TNFRSF19: variants seen among roughly 807,000 people sequenced by gnomAD.
TNFRSF19 encodes tumor necrosis factor receptor superfamily member 19.
TNFRSF19 carries 27 observed loss-of-function variants against 46.4 expected under a neutral mutation model. The ratio of observed to expected loss-of-function variants is 0.58; its 90% CI spans 0.43 to 0.80. The LOEUF (loss-of-function observed/expected upper bound fraction) is 0.80, where lower values mean the gene tolerates loss of function less well. Ranked by LOEUF, TNFRSF19 falls within the 30% of genes least tolerant of loss-of-function variation. The probability of loss-of-function intolerance (pLI) is 0.00; values close to 1 mark genes in which losing one functional copy is unlikely to be tolerated. For synonymous variants in TNFRSF19, 204 were observed against 205.0 expected (o/e 1.00, Z 0.04); for missense variants, 511 against 530.8 (o/e 0.96, Z 0.37).
chr13:23,629,830 C>T (rs905222135), intron 5 of TNFRSF19, among the ~76,000 whole-genome samples: 1 of 152,214 alleles, frequency 6.6e-6, no homozygotes, highest in African/African-American at 2.4e-5. Context: ...TGCCTGTCCT[C>T]GGCCATACCC....
chr13:23,577,016 G>A (rs766857392), intron 1 of TNFRSF19, among the ~76,000 whole-genome samples: 11 of 152,222 alleles, frequency 7.2e-5, no homozygotes, highest in Non-Finnish European at 1.2e-4. Context: ...TTTAGTAAGT[G>A]CTAGGCATTG....
chr13:23,636,489 A>G (rs938047429), intron 5 of TNFRSF19, among the ~76,000 whole-genome samples: 9 of 152,152 alleles, frequency 5.9e-5, no homozygotes, highest in African/African-American at 2.2e-4. Context: ...CTTGAATGCT[A>G]AGATATCCGT....
intron 3 of TNFRSF19, among the ~76,000 whole-genome samples, chr13:23,599,704 G>A (rs1170079841): frequency 6.6e-6 from 1 of 152,196 alleles, no homozygotes; most frequent in African/African-American, 2.4e-5. Flanking sequence ...GTTTTATCAT[G>A]CAGATGAAGC....
chr13:23,591,720 C>CTTTTT (rs1566169108), intron 2 of TNFRSF19, among the ~76,000 whole-genome samples: 1 of 65,754 alleles, frequency 1.5e-5, no homozygotes, highest in Non-Finnish European at 3.3e-5. Flanking sequence ...AATTTTCTTT[C>CTTTTT]TTTCTTTCTT....
At chr13:23,666,012 T>C (rs12585977) in intron 7 of TNFRSF19, among the ~76,000 whole-genome samples, 44,842 of 152,016 alleles carry the variant, frequency 0.29, 6,770 homozygotes, top group Non-Finnish European at 0.33. Context: ...GAATGACACT[T>C]AATTTGGGTT....
chr13:23,632,981 C>T (rs1355027664), intron 5 of TNFRSF19, among the ~76,000 whole-genome samples: 1 of 152,178 alleles, frequency 6.6e-6, no homozygotes, highest in African/African-American at 2.4e-5. Flanking sequence ...AGCAAACAGA[C>T]CTTTTCATCC....
chr13:23,583,903 G>C (rs1410499550), intron 1 of TNFRSF19, among the ~76,000 whole-genome samples: 1 of 152,012 alleles, frequency 6.6e-6, no homozygotes, highest in Non-Finnish European at 1.5e-5. Flanking sequence ...ATGAATTTTG[G>C]GAAAAACACA....
At chr13:23,631,176 C>T (rs1390260567) in intron 5 of TNFRSF19, among the ~76,000 whole-genome samples, 1 of 151,868 alleles carries the variant, frequency 6.6e-6, no homozygotes, top group Non-Finnish European at 1.5e-5. Context: ...AACTTTGAGA[C>T]GTATTTGCTC....
At chr13:23,577,439 G>A (rs937348317) in intron 1 of TNFRSF19, among the ~76,000 whole-genome samples, 3 of 152,240 alleles carry the variant, frequency 2.0e-5, no homozygotes, top group Non-Finnish European at 2.9e-5. Context: ...TTGAATGATT[G>A]ATACTGTCAG....
intron 1 of TNFRSF19, among the ~76,000 whole-genome samples, chr13:23,579,950 G>C (rs1043399609): frequency 1.3e-5 from 2 of 152,232 alleles, no homozygotes; most frequent in African/African-American, 2.4e-5. Flanking sequence ...CAGGGGTCTC[G>C]GGGCCGCATC....
At position 23,644,940 on chromosome 13, in the gene TNFRSF19, T is replaced by C. The variant is rs574260690; in HGVS notation, c.446-14110T>C. On this transcript the variant is annotated intron_variant, in intron 5 of 9. Transcript: ENST00000248484. ...CTTCTGTGATCCTCTATTTGAAAAA[T>C]GATACTTTCTTGCTCTAAACAACCC... is the stretch of plus-strand genomic sequence containing the variant. 9.2e-4 allele frequency among the ~76,000 whole-genome samples: 140 copies of C among 152,190 alleles called. 1 individual carries two copies. The highest frequency in any genetic ancestry group is 1.5e-3 in the Non-Finnish European group (99 of 68,028).
At chr13:23,588,450 T>C (rs1879003235) in intron 1 of TNFRSF19, among the ~76,000 whole-genome samples, 1 of 152,236 alleles carries the variant, frequency 6.6e-6, no homozygotes. Flanking sequence ...TCTGCCTTTT[T>C]CAGTAGTTAG....
At chr13:23,642,372 AC>A (rs1883080718) in intron 5 of TNFRSF19, among the ~76,000 whole-genome samples, 1 of 152,232 alleles carries the variant, frequency 6.6e-6, no homozygotes. Flanking sequence ...CATGACTAAC[AC>A]TTATGGCAGT....
chr13:23,618,774 A>C (rs1881471274), intron 4 of TNFRSF19, among the ~76,000 whole-genome samples: 1 of 152,220 alleles, frequency 6.6e-6, no homozygotes, highest in Non-Finnish European at 1.5e-5. Flanking sequence ...TCTGGTTTGA[A>C]TGTGTCCCCT....
At chr13:23,603,932 A>G (rs1178780656) in intron 3 of TNFRSF19, among the ~76,000 whole-genome samples, 1 of 152,084 alleles carries the variant, frequency 6.6e-6, no homozygotes, top group Non-Finnish European at 1.5e-5. Context: ...CACTAAGATC[A>G]GGAACAAGGC....
At chr13:23,670,223 C>G (rs903634586) in intron 9 of TNFRSF19, among the ~76,000 whole-genome samples, 3 of 152,196 alleles carry the variant, frequency 2.0e-5, no homozygotes, top group African/African-American at 7.2e-5. Flanking sequence ...GAAACGGGGT[C>G]TCTCTCTGTC....
chr13:23,593,569 G>T (rs1306533789), intron 3 of TNFRSF19, 114 bp downstream of exon 3: 3 of 731,588 alleles, frequency 4.1e-6, no homozygotes, highest in Admixed American at 6.1e-5. Context: ...CAGAATTATT[G>T]GATCATTATG....
intron 3 of TNFRSF19, 140 bp from the exon 4 acceptor site, chr13:23,615,726 CT>C: frequency 1.4e-6 from 1 of 736,596 alleles, no homozygotes. Context: ...CACATTTGAA[CT>C]TGCTGAAAGA....
chr13:23,651,506 G>A lies in TNFRSF19; in HGVS notation c.446-7544G>A, dbSNP rs577417999. On this transcript the variant is annotated intron_variant, in intron 5 of 9. Transcript: ENST00000248484. ...AAACTCTCTAATGAAAACATAAGGC[G>A]TTAATGAAATCTCAAAGGTGGAAGC... Among the ~76,000 whole-genome samples the A allele has an allele frequency of 1.5e-4, 23 of 152,246 alleles. No homozygotes were observed. The South Asian group carries it at 1.7e-3, about 11-fold the overall frequency.
Sources: allele counts gnomAD v4.1 joint callset (sites outside exome capture counted in the v4.1 genomes callset), GRCh38; gene constraint gnomAD v4.1.1; transcripts MANE v1.5; gene names NCBI Gene and HGNC (gene_info 2026-07-23, HGNC 2026-07-21).